LARS1: variants seen among roughly 807,000 people sequenced by gnomAD.
LARS1 encodes the protein leucine--tRNA ligase, cytoplasmic.
In LARS1, 100 loss-of-function variants were observed where a neutral mutation model predicts 162.8. The observed-to-expected ratio is 0.61, with a 90% confidence interval of 0.52 to 0.73. LARS1 has a LOEUF of 0.73. LARS1 is among the 30% of genes least tolerant of loss of function. LARS1 has a pLI of 0.00. For synonymous variants in LARS1, 457 were observed against 462.8 expected (o/e 0.99, Z 0.16); for missense variants, 1,258 against 1,408.9 (o/e 0.89, Z 1.71).
chr5:146,124,863 A>G (rs17492893), intron 28 of LARS1, among the ~76,000 whole-genome samples: 33,751 of 151,766 alleles, frequency 0.22, 4,808 homozygotes, highest in Admixed American at 0.34. Context: ...CCCTTCCAAA[A>G]TTTGCAAAAC....
rs369569573 is a variant in LARS1, at chr5:146,131,121, G to A, written c.2397-12C>T. 136 of 1,393,946 alleles carry A rather than the reference G, an allele frequency of 9.8e-5. No homozygotes were observed. Among genetic ancestry groups the A allele is most frequent in the Non-Finnish European group, 1.2e-4 (120 of 1,009,084 alleles). 86.3% of individuals were successfully genotyped at this position (1,393,946 alleles called of 1,614,324 possible). A position where few individuals can be genotyped will look rare whatever the true frequency, so the allele number is the denominator to read the frequency against. On this transcript the variant is annotated splice_polypyrimidine_tract_variant and intron_variant, in intron 23 of 31. Coordinates refer to ENST00000394434, the MANE Select transcript of LARS1 (RefSeq NM_020117.11). The stretch of plus-strand genomic sequence containing the variant: ...CTGCATTCAATTCACTATTGAATAC[G>A]GGGAAAAAAAGGTTATTGAGTTTAA...
At chr5:146,125,508 C>T (rs1210348185) in intron 28 of LARS1, among the ~76,000 whole-genome samples, 1 of 151,904 alleles carries the variant, frequency 6.6e-6, no homozygotes, top group Non-Finnish European at 1.5e-5. Context: ...ATTTACTGAG[C>T]CTACTTCTTG....
chr5:146,130,410 A>T (rs1007601311), intron 24 of LARS1: 1 of 467,016 alleles, frequency 2.1e-6, no homozygotes, highest in Non-Finnish European at 3.8e-6. Flanking sequence ...GAGACATAAA[A>T]GTTGAACAAC....
chr5:146,150,361 A>G (rs543831702), intron 14 of LARS1, among the ~76,000 whole-genome samples: 169 of 152,224 alleles, frequency 1.1e-3, no homozygotes, highest in Middle Eastern at 3.2e-3. Flanking sequence ...TAGAAAAGAC[A>G]TGCATTCTCT....
intron 4 of LARS1, among the ~76,000 whole-genome samples, chr5:146,170,856 C>T (rs917535061): frequency 6.7e-6 from 1 of 149,676 alleles, no homozygotes; most frequent in Non-Finnish European, 1.5e-5. Flanking sequence ...TGCACTCCAG[C>T]CTGGGTGACA....
At chr5:146,152,541 T>A (rs1443926036) in intron 13 of LARS1, among the ~76,000 whole-genome samples, 1 of 152,158 alleles carries the variant, frequency 6.6e-6, no homozygotes, top group Non-Finnish European at 1.5e-5. Context: ...GAGAATCTAA[T>A]GCCTGATGAT....
rs548367363 is a variant in LARS1 at position 146,144,519 on chromosome 5, T to C, written c.1608A>G (p.Glu536=). ...LCDQWYLDYG[E]ENWKKQTSQC... ...GAGATGTCTGTTTCTTCCAATTCTC[T>C]TCTCCATAATCCAAGTACCTGGGAG... The change falls in exon 17 of 32, where the codon GAA becomes GAG. Residue 536 remains glutamate, a synonymous_variant. Transcript: ENST00000394434. 243 of 1,614,032 alleles carry C rather than the reference T, an allele frequency of 1.5e-4. 4 individuals are homozygous for C. The South Asian group carries it at 2.6e-3, about 17-fold the overall frequency.
intron 5 of LARS1, among the ~76,000 whole-genome samples, chr5:146,166,186 T>C (rs1037104082): frequency 3.3e-5 from 5 of 152,094 alleles, no homozygotes; most frequent in African/African-American, 4.8e-5. Context: ...GTTGATTCCT[T>C]GGTTGAATCA....
At chr5:146,161,605 T>G (rs1280272328) in intron 6 of LARS1, among the ~76,000 whole-genome samples, 1 of 151,830 alleles carries the variant, frequency 6.6e-6, no homozygotes, top group Non-Finnish European at 1.5e-5. Context: ...AATACAAAAT[T>G]AGCCAGGTGT....
chr5:146,169,425 T>G (rs1331399259), intron 4 of LARS1, among the ~76,000 whole-genome samples: 1 of 152,162 alleles, frequency 6.6e-6, no homozygotes, highest in East Asian at 1.9e-4. Context: ...TCAGAAGAAT[T>G]TCAACCACTA....
Position 146,113,986 on chromosome 5 carries a change from T to C in LARS1, c.*120A>G, listed in dbSNP as rs1158147015. 4 of 746,686 alleles carry C rather than the reference T, an allele frequency of 5.4e-6. No individual in the cohort carries two copies. The East Asian group carries it at 7.4e-5, about 14-fold the overall frequency. The allele number at this position is 746,686 out of a possible 1,614,324, so 46.3% of individuals were successfully genotyped here. A position where few individuals can be genotyped will look rare whatever the true frequency, so the allele number is the denominator to read the frequency against. ...AATTATGAATACATGCAGAATTGGATGGTTAGAAATGAAATCAATCTATTT... is the reference window on the plus strand; with the variant it reads ...AATTATGAATACATGCAGAATTGGACGGTTAGAAATGAAATCAATCTATTT... On this transcript the variant is annotated 3_prime_UTR_variant, in exon 32 of 32. Transcript: ENST00000394434.
intron 15 of LARS1, among the ~76,000 whole-genome samples, 198 bp from the exon 16 acceptor site, chr5:146,144,907 A>G (rs900502622): frequency 5.3e-5 from 8 of 152,282 alleles, no homozygotes; most frequent in African/African-American, 1.9e-4. Flanking sequence ...AAAAGGCATG[A>G]ATCTTCATCA....
At chr5:146,172,660 A>G (rs1230631265) in intron 3 of LARS1, 27 bp downstream of exon 3, 1 of 1,369,316 alleles carries the variant, frequency 7.3e-7, no homozygotes, top group Non-Finnish European at 1.0e-6. Context: ...CTTCCTCCCC[A>G]TTATAGCAAA....
chr5:146,153,221 G>T lies in LARS1; in HGVS notation c.1237C>A (p.Arg413=). ...LRDLKKKQAL[R]AKYGIRDDMV... ...TCATCTCTAATTCCATATTTTGCTC[G>T]TAAGGCCTACAGAAAAATTTGCAAG... The change falls in exon 13 of 32, where the codon CGA becomes AGA. Residue 413 remains arginine, a synonymous_variant. Coordinates refer to ENST00000394434, the MANE Select transcript of LARS1 (RefSeq NM_020117.11). 4.3e-6 allele frequency: 7 copies of T among 1,612,106 alleles called. No individual in the cohort carries two copies. The highest frequency in any genetic ancestry group is 5.9e-6 in the Non-Finnish European group (7 of 1,178,738).
chr5:146,153,353 G>C, intron 12 of LARS1, 126 bp from the exon 13 acceptor site: 2 of 705,780 alleles, frequency 2.8e-6, no homozygotes, highest in Non-Finnish European at 4.7e-6. Context: ...TCTCCATAGA[G>C]AGCAATTTTC....
rs1238816133 is a variant in LARS1, at chr5:146,113,938, AGGAATCAAAGAT to A, written c.*156_*167del. 1.7e-6 allele frequency: 1 copy of A among 604,330 alleles called. No individual in the cohort carries two copies. Among genetic ancestry groups the A allele is most frequent in the African/African-American group, 1.8e-5 (1 of 54,196 alleles). The allele number at this position is 604,330 out of a possible 1,614,324, so 37.4% of individuals were successfully genotyped here. A position where few individuals can be genotyped will look rare whatever the true frequency, so the allele number is the denominator to read the frequency against. Reference sequence around the variant, plus strand: ...AAGGGAAAAAAAATTTATTAGGTCCAGGAATCAAAGATGACTTGATAGAATTATGAATACATG... The same window carrying A: ...AAGGGAAAAAAAATTTATTAGGTCCAGACTTGATAGAATTATGAATACATG... On this transcript the variant is annotated 3_prime_UTR_variant, in exon 32 of 32. Coordinates refer to ENST00000394434, the MANE Select transcript of LARS1 (RefSeq NM_020117.11).
At chr5:146,121,360 G>A (rs1250676291) in intron 30 of LARS1, among the ~76,000 whole-genome samples, 1 of 152,048 alleles carries the variant, frequency 6.6e-6, no homozygotes, top group Non-Finnish European at 1.5e-5. Context: ...GCAGTCCCCT[G>A]GACTTTGCCA....
At chr5:146,129,179 G>A (rs1384030753) in intron 25 of LARS1, 61 bp from the exon 26 acceptor site, 10 of 1,390,762 alleles carry the variant, frequency 7.2e-6, no homozygotes, top group Middle Eastern at 1.9e-4. Context: ...ACTATTTTAC[G>A]GTTCTTGATT....
At chr5:146,150,626 C>CAAAAA (rs71581862) in intron 14 of LARS1, among the ~76,000 whole-genome samples, 7 of 68,818 alleles carry the variant, frequency 1.0e-4, no homozygotes, top group Admixed American at 9.0e-4. Flanking sequence ...GACTCCGTCT[C>CAAAAA]AAAAAAAAAA....
Sources: allele counts gnomAD v4.1 joint callset (sites outside exome capture counted in the v4.1 genomes callset), GRCh38; gene constraint gnomAD v4.1.1; transcripts MANE v1.5; gene names NCBI Gene and HGNC (gene_info 2026-07-23, HGNC 2026-07-21).